Variants in SUPT3H observed in about 807,000 individuals in gnomAD.
The protein encoded by SUPT3H is SPT3 homolog, SAGA and STAGA complex component.
In SUPT3H, 44 loss-of-function variants were observed where a neutral mutation model predicts 44.3. The ratio of observed to expected loss-of-function variants is 0.99; its 90% CI spans 0.78 to 1.28. The LOEUF is 1.28. SUPT3H is among the 50% of genes most tolerant of loss of function. SUPT3H has a pLI of 0.00. For missense variants in SUPT3H, 380 were observed against 387.1 expected (o/e 0.98, Z 0.15); for synonymous variants, 124 against 125.6 (o/e 0.99, Z 0.09).
At chr6:45,038,137 A>C (rs926460946) in intron 3 of SUPT3H, among the ~76,000 whole-genome samples, 11 of 152,206 alleles carry the variant, frequency 7.2e-5, no homozygotes, top group Non-Finnish European at 4.4e-5. Flanking sequence ...AGATAAAATT[A>C]AAAAGAATAA....
chr6:45,270,833 T>C (rs1443469593), intron 2 of SUPT3H, among the ~76,000 whole-genome samples: 2 of 152,198 alleles, frequency 1.3e-5, no homozygotes, highest in Non-Finnish European at 2.9e-5. Context: ...TAGAGACTTG[T>C]TAAATGGCTT....
chr6:44,919,772 C>T (rs1251263256), intron 10 of SUPT3H, among the ~76,000 whole-genome samples: 1 of 152,188 alleles, frequency 6.6e-6, no homozygotes. Flanking sequence ...TCAGAAGATG[C>T]TCTTTTAGCC....
At chr6:44,936,645 C>T (rs1771472091) in intron 9 of SUPT3H, among the ~76,000 whole-genome samples, 1 of 152,104 alleles carries the variant, frequency 6.6e-6, no homozygotes. Flanking sequence ...TAGTTCCATC[C>T]ATGTTGTAAA....
chr6:44,864,923 C>A (rs1775267218), intron 10 of SUPT3H, among the ~76,000 whole-genome samples: 1 of 150,770 alleles, frequency 6.6e-6, no homozygotes, highest in Non-Finnish European at 1.5e-5. Context: ...ATAATGGGAT[C>A]TTCTTTTATA....
At chr6:45,291,760 C>A (rs749384427) in intron 2 of SUPT3H, among the ~76,000 whole-genome samples, 1 of 152,042 alleles carries the variant, frequency 6.6e-6, no homozygotes, top group Admixed American at 6.6e-5. Flanking sequence ...TCAGAAAATA[C>A]GAACAAAGGC....
At chr6:44,985,212 T>TAAATAAAAAAAATA (rs1779625887) in intron 6 of SUPT3H, among the ~76,000 whole-genome samples, 3 of 113,604 alleles carry the variant, frequency 2.6e-5, no homozygotes, top group South Asian at 6.6e-4. Context: ...AATAAATAAA[T>TAAATAAAAAAAATA]AAATAAAATA....
At chr6:44,928,791 G>A (rs970632843) in intron 10 of SUPT3H, among the ~76,000 whole-genome samples, 1 of 147,008 alleles carries the variant, frequency 6.8e-6, no homozygotes, top group Non-Finnish European at 1.5e-5. Context: ...GCTGAGGCAG[G>A]AGAATGGCGT....
intron 2 of SUPT3H, among the ~76,000 whole-genome samples, chr6:45,350,276 A>T (rs758132026): frequency 8.5e-5 from 13 of 152,236 alleles, no homozygotes; most frequent in Non-Finnish European, 1.3e-4. Flanking sequence ...TTGTGAATGA[A>T]TAAACAAAAA....
chr6:44,872,668 T>C (rs960450185), intron 10 of SUPT3H, among the ~76,000 whole-genome samples: 5 of 101,932 alleles, frequency 4.9e-5, no homozygotes, highest in Admixed American at 2.3e-4. Flanking sequence ...TAAATATAAA[T>C]GGACTAAATT....
intron 2 of SUPT3H, among the ~76,000 whole-genome samples, chr6:45,231,474 G>A (rs1281372608): frequency 6.6e-6 from 1 of 152,034 alleles, no homozygotes; most frequent in African/African-American, 2.4e-5. Flanking sequence ...TAGTCTGATG[G>A]GGCTCTTTTA....
chr6:44,843,927 GCACA>G (rs56329630), intron 10 of SUPT3H, among the ~76,000 whole-genome samples: 35,650 of 147,552 alleles, frequency 0.24, 4,451 homozygotes, highest in Admixed American at 0.37. Context: ...ACACACACAC[GCACA>G]CACACACACA....
Position 45,273,846 on chromosome 6 carries a change from G to C in SUPT3H, c.101+91355C>G, listed in dbSNP as rs78771676. ...TGCTTCACTAGGAGTGAATCTGCTC[G>C]ATCACGTGGGAAATCTGTATTCATT... On this transcript the variant is annotated intron_variant, in intron 2 of 10. Transcript: ENST00000371459. 0.013 allele frequency among the ~76,000 whole-genome samples: 1,981 copies of C among 152,122 alleles called. 106 individuals are homozygous for C. The East Asian group carries it at 0.14, about 10-fold the overall frequency.
chr6:45,145,620 T>C (rs760606949), intron 2 of SUPT3H, among the ~76,000 whole-genome samples: 1 of 151,908 alleles, frequency 6.6e-6, no homozygotes, highest in Non-Finnish European at 1.5e-5. Context: ...AAAGAGTTAA[T>C]GACCAAAAAC....
chr6:45,239,431 A>G (rs1769865551), intron 2 of SUPT3H, among the ~76,000 whole-genome samples: 1 of 152,254 alleles, frequency 6.6e-6, no homozygotes, highest in Admixed American at 6.5e-5. Context: ...CATTACCTGG[A>G]AAGAAGCTAA....
At chr6:44,973,175 T>C (rs1043785233) in intron 6 of SUPT3H, among the ~76,000 whole-genome samples, 1 of 152,224 alleles carries the variant, frequency 6.6e-6, no homozygotes, top group Non-Finnish European at 1.5e-5. Flanking sequence ...TACATAAAAC[T>C]GAATACTTTT....
intron 10 of SUPT3H, among the ~76,000 whole-genome samples, chr6:44,865,516 C>CAA (rs1439034147): frequency 5.4e-4 from 82 of 152,284 alleles, no homozygotes; most frequent in African/African-American, 1.8e-3. Flanking sequence ...GGAGGCCTCA[C>CAA]AAGCATGGCA....
At chr6:45,300,299 A>G (rs1485602941) in intron 2 of SUPT3H, among the ~76,000 whole-genome samples, 1 of 152,206 alleles carries the variant, frequency 6.6e-6, no homozygotes, top group Non-Finnish European at 1.5e-5. Context: ...GTGCTTTGTA[A>G]TACGCCAAAA....
At chr6:45,279,118 C>T (rs1053370394) in intron 2 of SUPT3H, among the ~76,000 whole-genome samples, 29 of 152,146 alleles carry the variant, frequency 1.9e-4, no homozygotes, top group African/African-American at 6.3e-4. Context: ...TTAGTGTTAA[C>T]TACAACTTTT....
Position 45,003,784 on chromosome 6 carries a change from T to A in SUPT3H, c.373A>T (p.Ser125Cys), listed in dbSNP as rs750959047. ...CTTTTGTTCGCATTATTGCTGCCAC[T>A]CAATTTGTCTTCATGAAGTCAAGGG... is the stretch of plus-strand genomic sequence containing the variant. Reference protein sequence around the residue: ...DEDDLLEDKLSGSNNANKRQK... With the variant: ...DEDDLLEDKLCGSNNANKRQK... The change falls in exon 6 of 11, where the codon AGT (serine) becomes TGT (cysteine). Residue 125 changes from serine (S) to cysteine (C), a missense_variant. Transcript: ENST00000371459. The A allele has an allele frequency of 4.3e-6, 7 of 1,613,506 alleles. No homozygotes were observed. In the South Asian group the frequency reaches 5.5e-5, roughly 13 times the overall value.
Sources: allele counts gnomAD v4.1 joint callset (sites outside exome capture counted in the v4.1 genomes callset), GRCh38; gene constraint gnomAD v4.1.1; transcripts MANE v1.5; gene names NCBI Gene and HGNC (gene_info 2026-07-23, HGNC 2026-07-21).